FSHR: variants seen among roughly 807,000 people sequenced by gnomAD.
The protein encoded by FSHR is follicle-stimulating hormone receptor.
A neutral mutation model predicts 52.1 loss-of-function variants in FSHR; 46 were observed. The observed-to-expected ratio is 0.88, with a 90% confidence interval of 0.70 to 1.13. The LOEUF (loss-of-function observed/expected upper bound fraction) is 1.13. Among genes scored for constraint, FSHR ranks in the 50% most tolerant of loss-of-function variants. The pLI, the probability that FSHR is intolerant of heterozygous loss-of-function variation, is 0.00. For synonymous variants in FSHR, 399 were observed against 309.6 expected (o/e 1.29, Z -3.03); for missense variants, 964 against 834.6 (o/e 1.16, Z -1.91).
chr2:49,057,924 A>G (rs1361737698), intron 2 of FSHR, among the ~76,000 whole-genome samples: 1 of 152,244 alleles, frequency 6.6e-6, no homozygotes, highest in Non-Finnish European at 1.5e-5. Flanking sequence ...CAAAATTCAT[A>G]TGACCATGTC....
At chr2:49,085,934 G>A (rs1670368691) in intron 1 of FSHR, among the ~76,000 whole-genome samples, 2 of 150,400 alleles carry the variant, frequency 1.3e-5, no homozygotes, top group South Asian at 4.3e-4. Flanking sequence ...TGGACACAGG[G>A]AGGGGAACAT....
chr2:48,979,696 AG>A (rs1192508391), intron 8 of FSHR, among the ~76,000 whole-genome samples: 1 of 152,118 alleles, frequency 6.6e-6, no homozygotes, highest in Non-Finnish European at 1.5e-5. Context: ...GGATCAGCTG[AG>A]CCTTTTGTTG....
At chr2:48,989,483 A>C (rs1675671617) in intron 5 of FSHR, among the ~76,000 whole-genome samples, 2 of 152,080 alleles carry the variant, frequency 1.3e-5, no homozygotes, top group South Asian at 2.1e-4. Flanking sequence ...GGGTTTCACC[A>C]TGTTGCCCAG....
chr2:48,987,703 G>A (rs2104089037), intron 6 of FSHR, among the ~76,000 whole-genome samples: 1 of 152,172 alleles, frequency 6.6e-6, no homozygotes, highest in Middle Eastern at 3.4e-3. Flanking sequence ...AGACTAGTGA[G>A]ATTAAATCAT....
intron 4 of FSHR, among the ~76,000 whole-genome samples, chr2:48,994,228 C>G (rs1330791271): frequency 3.3e-5 from 5 of 152,156 alleles, no homozygotes; most frequent in Non-Finnish European, 5.9e-5. Flanking sequence ...ATTTGGGTAG[C>G]AACTTCCCCA....
At chr2:48,998,847 G>A (rs1289572353) in intron 4 of FSHR, among the ~76,000 whole-genome samples, 3 of 151,958 alleles carry the variant, frequency 2.0e-5, no homozygotes, top group African/African-American at 7.3e-5. Flanking sequence ...AGGATTTTGT[G>A]CTATGTGAAA....
At chr2:49,034,240 A>C (rs757161349) in intron 2 of FSHR, among the ~76,000 whole-genome samples, 5 of 152,230 alleles carry the variant, frequency 3.3e-5, no homozygotes, top group Non-Finnish European at 5.9e-5. Flanking sequence ...AGCCAGTTCT[A>C]ACACAGGAGA....
chr2:49,103,135 C>T (rs539276551), intron 1 of FSHR, among the ~76,000 whole-genome samples: 1 of 152,128 alleles, frequency 6.6e-6, no homozygotes, highest in Non-Finnish European at 1.5e-5. Context: ...CCTCCCCTCC[C>T]CAAAACAATT....
Position 49,080,227 on chromosome 2 carries a change from T to C in FSHR, c.153-11937A>G, listed in dbSNP as rs183631803. 3.2e-4 allele frequency among the ~76,000 whole-genome samples: 49 copies of C among 152,310 alleles called. 1 individual carries two copies. Among genetic ancestry groups the C allele is most frequent in the African/African-American group, 1.2e-3 (49 of 41,568 alleles). On this transcript the variant is annotated intron_variant, in intron 1 of 9. Transcript: ENST00000406846. Reference sequence around the variant, plus strand: ...CCATGCTGGTGAGGCAGTGGAACAGTAGGATATTTTCTACAGTCTTGATGG... The same window carrying C: ...CCATGCTGGTGAGGCAGTGGAACAGCAGGATATTTTCTACAGTCTTGATGG...
At chr2:49,067,352 A>T (rs1197156194) in intron 2 of FSHR, among the ~76,000 whole-genome samples, 1 of 152,076 alleles carries the variant, frequency 6.6e-6, no homozygotes, top group African/African-American at 2.4e-5. Context: ...TCTTAAAGGG[A>T]TATAAAAGAA....
chr2:48,989,190 G>T, intron 5 of FSHR, 136 bp from the exon 6 acceptor site: 1 of 650,462 alleles, frequency 1.5e-6, no homozygotes. Flanking sequence ...TTTAGAAGAT[G>T]ATCAGCTCAA....
chr2:49,034,198 G>A (rs2104263710), intron 2 of FSHR, among the ~76,000 whole-genome samples: 1 of 152,264 alleles, frequency 6.6e-6, no homozygotes. Context: ...CCCTTCCCCA[G>A]TTATTCTTAA....
chr2:49,063,019 G>A (rs763637107), intron 2 of FSHR, among the ~76,000 whole-genome samples: 1 of 152,100 alleles, frequency 6.6e-6, no homozygotes, highest in Non-Finnish European at 1.5e-5. Context: ...AAAATAGTAT[G>A]AGTATGAGAT....
At chr2:49,031,284 T>C (rs1668093922) in intron 2 of FSHR, among the ~76,000 whole-genome samples, 1 of 152,324 alleles carries the variant, frequency 6.6e-6, no homozygotes. Flanking sequence ...TATAATTTAA[T>C]TGTGAAGCAC....
intron 1 of FSHR, among the ~76,000 whole-genome samples, chr2:49,153,834 GC>G (rs1673147803): frequency 6.6e-6 from 1 of 151,968 alleles, no homozygotes; most frequent in Non-Finnish European, 1.5e-5. Context: ...AAAGACTATG[GC>G]CTTTTAGATT....
intron 2 of FSHR, among the ~76,000 whole-genome samples, chr2:49,057,395 G>A (rs1463793518): frequency 2.6e-5 from 4 of 152,060 alleles, no homozygotes; most frequent in Non-Finnish European, 5.9e-5. Context: ...GATCATTAAA[G>A]ATTGCTATGA....
chr2:49,046,723 C>T (rs1441775173), intron 2 of FSHR, among the ~76,000 whole-genome samples: 1 of 152,146 alleles, frequency 6.6e-6, no homozygotes, highest in Non-Finnish European at 1.5e-5. Context: ...CTAATTAGCA[C>T]ACATTTTGTA....
At chr2:49,085,928 C>T (rs1465822267) in intron 1 of FSHR, among the ~76,000 whole-genome samples, 1 of 144,598 alleles carries the variant, frequency 6.9e-6, no homozygotes, top group African/African-American at 2.6e-5. Context: ...AACACATGGA[C>T]ACAGGGAGGG....
At chr2:49,023,355 G>A (rs1206499537) in intron 2 of FSHR, among the ~76,000 whole-genome samples, 1 of 152,128 alleles carries the variant, frequency 6.6e-6, no homozygotes, top group East Asian at 1.9e-4. Flanking sequence ...ATTACTGGAT[G>A]AATGAATGGA....
Sources: allele counts gnomAD v4.1 joint callset (sites outside exome capture counted in the v4.1 genomes callset), GRCh38; gene constraint gnomAD v4.1.1; transcripts MANE v1.5; gene names NCBI Gene and HGNC (gene_info 2026-07-23, HGNC 2026-07-21).